Variants in CSMD1 observed in about 807,000 individuals in gnomAD.
CSMD1 encodes CUB and sushi domain-containing protein 1.
Under a neutral mutation model 417.5 loss-of-function variants are expected in CSMD1, and 213 were observed. The observed-to-expected ratio is 0.51, with a 90% CI of 0.46 to 0.57. The LOEUF is 0.57. Among genes scored for constraint, CSMD1 ranks in the 20% least tolerant of loss-of-function variants. CSMD1 has a pLI of 0.00. For synonymous variants in CSMD1, 2,862 were observed against 1,736.8 expected, an observed-to-expected ratio of 1.65 and a Z score of -16.11; for missense variants, 6,923 against 4,529.7, an observed-to-expected ratio of 1.53 and a Z score of -15.17.
chr8:3,648,172 C>G (rs1447964667), intron 7 of CSMD1, among the ~76,000 whole-genome samples: 1 of 152,206 alleles, frequency 6.6e-6, no homozygotes, highest in Non-Finnish European at 1.5e-5. Flanking sequence ...TCTACCATAT[C>G]TTAAAAATGT....
At chr8:4,432,114 G>C (rs1374227474) in intron 2 of CSMD1, among the ~76,000 whole-genome samples, 1 of 152,078 alleles carries the variant, frequency 6.6e-6, no homozygotes, top group African/African-American at 2.4e-5. Flanking sequence ...TCAAAAAGGT[G>C]ATTATATAAA....
Position 3,324,025 on chromosome 8 carries a change from G to C in CSMD1, c.3632-15522C>G, listed in dbSNP as rs1806332546. 2.1e-5 allele frequency among the ~76,000 whole-genome samples: 3 copies of C among 145,646 alleles called. No homozygotes were observed. The South Asian group carries it at 6.7e-4, about 32-fold the overall frequency. On this transcript the variant is annotated intron_variant, in intron 23 of 69. Transcript: ENST00000635120. ...CTAACCCCCAGAGACCCAGGAGGGG[G>C]AGTTTCCTTCACCCCACCTTTCATC... is the stretch of plus-strand genomic sequence containing the variant.
chr8:4,417,097 T>G (rs796807304), intron 3 of CSMD1, among the ~76,000 whole-genome samples: 15 of 152,178 alleles, frequency 9.9e-5, no homozygotes, highest in African/African-American at 3.6e-4. Flanking sequence ...ATTTAGCAGT[T>G]AAAATGTGTT....
intron 5 of CSMD1, among the ~76,000 whole-genome samples, chr8:3,954,372 TTC>T (rs1244522215): frequency 6.6e-6 from 1 of 150,394 alleles, no homozygotes; most frequent in African/African-American, 2.5e-5. Context: ...GGACTTTTTT[TTC>T]TTTTTTGAGA....
chr8:4,721,012 G>C (rs1455666059), intron 1 of CSMD1, among the ~76,000 whole-genome samples: 1 of 152,070 alleles, frequency 6.6e-6, no homozygotes, highest in East Asian at 1.9e-4. Flanking sequence ...TAAATAAACA[G>C]TTAATTATTG....
At chr8:3,549,749 A>T (rs1422798524) in intron 10 of CSMD1, among the ~76,000 whole-genome samples, 3 of 152,158 alleles carry the variant, frequency 2.0e-5, no homozygotes. Context: ...GGCGATCCCC[A>T]GATACAGTTC....
chr8:3,451,370 T>G (rs1338328275), intron 12 of CSMD1, among the ~76,000 whole-genome samples: 1 of 152,202 alleles, frequency 6.6e-6, no homozygotes, highest in Admixed American at 6.5e-5. Flanking sequence ...TTTTGGTGTT[T>G]TAGACATGAA....
chr8:4,493,679 A>C (rs1801837574), intron 2 of CSMD1, among the ~76,000 whole-genome samples: 1 of 152,166 alleles, frequency 6.6e-6, no homozygotes, highest in South Asian at 2.1e-4. Flanking sequence ...CGAGTGAGAG[A>C]GTGCAACTCT....
intron 1 of CSMD1, among the ~76,000 whole-genome samples, chr8:4,708,747 G>C (rs375033700): frequency 6.6e-6 from 1 of 151,858 alleles, no homozygotes; most frequent in Non-Finnish European, 1.5e-5. Context: ...CATATATAAA[G>C]TCCTAACCCC....
chr8:2,948,313 G>T (rs1175739493), intron 68 of CSMD1, among the ~76,000 whole-genome samples: 1 of 151,858 alleles, frequency 6.6e-6, no homozygotes, highest in African/African-American at 2.4e-5. Context: ...GAAGAAATAG[G>T]CTCAAGAATA....
chr8:4,277,194 A>G (rs1385601903), intron 3 of CSMD1, among the ~76,000 whole-genome samples: 1 of 114,506 alleles, frequency 8.7e-6, no homozygotes. Flanking sequence ...TCATCTACAG[A>G]TAACATATAT....
At chr8:3,951,935 G>C (rs779730042) in intron 5 of CSMD1, among the ~76,000 whole-genome samples, 17 of 151,800 alleles carry the variant, frequency 1.1e-4, no homozygotes, top group Non-Finnish European at 1.5e-4. Context: ...AAAAAAAATA[G>C]ATATCGAATA....
chr8:3,160,574 C>T (rs868743729), intron 38 of CSMD1, among the ~76,000 whole-genome samples: 11 of 152,210 alleles, frequency 7.2e-5, no homozygotes, highest in Admixed American at 3.3e-4. Flanking sequence ...CAGAGACTCT[C>T]GCTCTGCCTC....
rs1428839167 is a variant in CSMD1, at chr8:3,796,376, G to GTA, written c.819-42336_819-42335dup. Among the ~76,000 whole-genome samples, 2 of 30,118 alleles carry GTA rather than the reference G, an allele frequency of 6.6e-5. 1 individual carries two copies. Among genetic ancestry groups the GTA allele is most frequent in the Non-Finnish European group, 1.6e-4 (2 of 12,614 alleles). The allele number at this position is 30,118 out of a possible 152,430, so 19.8% of individuals were successfully genotyped here. Reference sequence around the variant, plus strand: ...ATGTATAGATATAGATATCTATCATGTATATATATATCTATCATGTATAGA... The same window carrying GTA: ...ATGTATAGATATAGATATCTATCATGTATATATATATATCTATCATGTATAGA... On this transcript the variant is annotated intron_variant, in intron 5 of 69. Coordinates refer to ENST00000635120, the MANE Select transcript of CSMD1 (RefSeq NM_033225.6).
At chr8:3,396,479 G>A (rs1356285620) in intron 16 of CSMD1, 98 bp from the exon 17 acceptor site, 4 of 761,368 alleles carry the variant, frequency 5.3e-6, no homozygotes, top group African/African-American at 1.8e-5. Flanking sequence ...ACCCATGTAC[G>A]TTAACATGAA....
chr8:3,741,795 C>G (rs987943201), intron 6 of CSMD1, among the ~76,000 whole-genome samples: 1 of 152,086 alleles, frequency 6.6e-6, no homozygotes, highest in African/African-American at 2.4e-5. Context: ...TCTCTATGAC[C>G]CTCCATGGCC....
chr8:4,975,636 A>T (rs368283124), intron 1 of CSMD1, among the ~76,000 whole-genome samples: 8 of 152,276 alleles, frequency 5.3e-5, no homozygotes, highest in African/African-American at 1.9e-4. Context: ...ATCCGAACAA[A>T]ACAGGTGTTA....
chr8:3,566,522 A>G (rs1799716377), intron 10 of CSMD1, among the ~76,000 whole-genome samples: 1 of 142,910 alleles, frequency 7.0e-6, no homozygotes, highest in Non-Finnish European at 1.6e-5. Context: ...GGTACACCCA[A>G]CCCACCTCAC....
chr8:3,817,718 T>C (rs1192443326), intron 5 of CSMD1, among the ~76,000 whole-genome samples: 1 of 152,186 alleles, frequency 6.6e-6, no homozygotes, highest in Admixed American at 6.5e-5. Flanking sequence ...ATGCTGAGTT[T>C]CAGAATAAAG....
Sources: allele counts gnomAD v4.1 joint callset (sites outside exome capture counted in the v4.1 genomes callset), GRCh38; gene constraint gnomAD v4.1.1; transcripts MANE v1.5; gene names NCBI Gene and HGNC (gene_info 2026-07-23, HGNC 2026-07-21).